The following CTNNAL1 variants were observed in gnomAD, a reference collection of about 807,000 sequenced individuals.
CTNNAL1 encodes catenin alpha like 1.
In CTNNAL1, 69 loss-of-function variants were observed where a neutral mutation model predicts 93.6. That is an observed-to-expected ratio of 0.74 (90% CI 0.61 to 0.90). The LOEUF (loss-of-function observed/expected upper bound fraction) is 0.90. Ranked by LOEUF, CTNNAL1 falls within the 40% of genes least tolerant of loss-of-function variation. The pLI, the probability that CTNNAL1 is intolerant of heterozygous loss-of-function variation, is 0.00. For synonymous variants in CTNNAL1, 286 were observed against 305.4 expected (o/e 0.94, Z 0.66); for missense variants, 836 against 862.0 (o/e 0.97, Z 0.38).
chr9:108,947,818 A>C (rs1830449264), intron 15 of CTNNAL1, among the ~76,000 whole-genome samples: 1 of 152,228 alleles, frequency 6.6e-6, no homozygotes, highest in African/African-American at 2.4e-5. Context: ...TTTAATCAAT[A>C]TATTTTATCC....
At chr9:108,977,626 A>T (rs1831302111) in intron 7 of CTNNAL1, among the ~76,000 whole-genome samples, 1 of 152,116 alleles carries the variant, frequency 6.6e-6, no homozygotes, top group African/African-American at 2.4e-5. Context: ...TATCTTCCCC[A>T]CTAGGCCACG....
intron 4 of CTNNAL1, among the ~76,000 whole-genome samples, chr9:108,987,826 G>A (rs1170109957): frequency 6.6e-6 from 1 of 152,134 alleles, no homozygotes; most frequent in Non-Finnish European, 1.5e-5. Context: ...TTGGCTCTCT[G>A]TTTGTCTGTT....
chr9:108,972,531 G>C, intron 9 of CTNNAL1, 144 bp downstream of exon 9: 1 of 713,626 alleles, frequency 1.4e-6, no homozygotes, highest in Non-Finnish European at 2.3e-6. Flanking sequence ...GAACAGAACA[G>C]ATACATGGTA....
At position 108,955,820 on chromosome 9, in the gene CTNNAL1, C is replaced by T. The variant is rs751291951; in HGVS notation, c.1599G>A (p.Lys533=). 1 of 1,600,094 alleles carries T rather than the reference C, an allele frequency of 6.2e-7. No individual in the cohort carries two copies. Among genetic ancestry groups the T allele is most frequent in the Admixed American group, 1.7e-5 (1 of 58,562 alleles). Reference sequence around the variant, plus strand: ...GCTTTGGAAGTGAAAGGTAGCCATACTTCTCTCCTACAAATAACACATATA... The same window carrying T: ...GCTTTGGAAGTGAAAGGTAGCCATATTTCTCTCCTACAAATAACACATATA... ...NDVFEGRRGE[K]YGYLSLPKPM... is the part of the protein sequence containing the mutation. The change falls in exon 12 of 19, where the codon AAG becomes AAA. Residue 533 remains lysine, a synonymous_variant. Coordinates refer to ENST00000325551, the MANE Select transcript of CTNNAL1 (RefSeq NM_003798.4).
At chr9:108,985,904 G>C (rs1343848434) in intron 4 of CTNNAL1, among the ~76,000 whole-genome samples, 1 of 152,140 alleles carries the variant, frequency 6.6e-6, no homozygotes, top group East Asian at 1.9e-4. Context: ...CTGGTCCACA[G>C]GACAAAACAG....
chr9:108,957,636 G>T (rs556964241), intron 11 of CTNNAL1, among the ~76,000 whole-genome samples: 1 of 152,238 alleles, frequency 6.6e-6, no homozygotes, highest in South Asian at 2.1e-4. Context: ...AAAAGGAAGA[G>T]GCTATTTTCA....
At chr9:108,963,320 A>G (rs1830868326) in intron 11 of CTNNAL1, among the ~76,000 whole-genome samples, 1 of 152,226 alleles carries the variant, frequency 6.6e-6, no homozygotes, top group African/African-American at 2.4e-5. Flanking sequence ...AAACACAAAG[A>G]GGAAGGGGGC....
At chr9:108,945,643 G>T (rs1397652892) in intron 15 of CTNNAL1, among the ~76,000 whole-genome samples, 5,998 of 120,470 alleles carry the variant, frequency 0.05, 407 homozygotes, top group African/African-American at 0.17. Flanking sequence ...TTTTTTTTTT[G>T]TTTTGTTTTT....
At chr9:108,997,817 GCTATGGT>G (rs1433603083) in intron 2 of CTNNAL1, among the ~76,000 whole-genome samples, 1 of 152,122 alleles carries the variant, frequency 6.6e-6, no homozygotes, top group African/African-American at 2.4e-5. Context: ...CACCTCAAAT[GCTATGGT>G]CTAGTCTAAG....
intron 12 of CTNNAL1, among the ~76,000 whole-genome samples, chr9:108,952,759 C>T (rs563730264): frequency 6.6e-6 from 1 of 152,290 alleles, no homozygotes; most frequent in East Asian, 1.9e-4. Context: ...CAGCTGCTCT[C>T]CTCTTTTCAC....
At chr9:108,952,567 C>T (rs1587946198) in intron 12 of CTNNAL1, 73 bp from the exon 13 acceptor site, 60 of 1,548,526 alleles carry the variant, frequency 3.9e-5, no homozygotes, top group Non-Finnish European at 5.2e-5. Flanking sequence ...AATAGTAATA[C>T]AAAGCATAAC....
intron 11 of CTNNAL1, among the ~76,000 whole-genome samples, chr9:108,963,111 T>C (rs1456262318): frequency 6.6e-6 from 1 of 152,206 alleles, no homozygotes; most frequent in African/African-American, 2.4e-5. Context: ...GCCAAGCTTA[T>C]CAACCTCTAA....
rs1479410333 is a variant in CTNNAL1 at position 108,942,741 on chromosome 9, G to A, written c.*28C>T. 9 of 1,364,600 alleles carry A rather than the reference G, an allele frequency of 6.6e-6. No homozygotes were observed. Among genetic ancestry groups the A allele is most frequent in the African/African-American group, 1.4e-5 (1 of 69,418 alleles). The allele number at this position is 1,364,600 out of a possible 1,614,324, so 84.5% of individuals were successfully genotyped here. ...AAAAATGTCAGCTTCATCACATGATGTTCCAGAGATCTGACCCCAAAAGCT... is the reference window on the plus strand; with the variant it reads ...AAAAATGTCAGCTTCATCACATGATATTCCAGAGATCTGACCCCAAAAGCT... On this transcript the variant is annotated 3_prime_UTR_variant, in exon 19 of 19. Transcript: ENST00000325551.
chr9:108,967,667 G>A (rs1303370478), intron 10 of CTNNAL1, among the ~76,000 whole-genome samples: 2 of 152,222 alleles, frequency 1.3e-5, no homozygotes, highest in African/African-American at 4.8e-5. Flanking sequence ...CACTGAAAAG[G>A]TGAGGGAGCT....
At position 108,947,627 on chromosome 9, in the gene CTNNAL1, G is replaced by C. The variant is rs540992591; in HGVS notation, c.1884+559C>G. 6.8e-4 allele frequency among the ~76,000 whole-genome samples: 104 copies of C among 152,326 alleles called. 3 individuals carry two copies. In the South Asian group the frequency reaches 0.021, roughly 31 times the overall value. On this transcript the variant is annotated intron_variant, in intron 15 of 18. Coordinates refer to ENST00000325551, the MANE Select transcript of CTNNAL1 (RefSeq NM_003798.4). The stretch of plus-strand genomic sequence containing the variant: ...TCTAACTAGAGGGAGTAGAATTACA[G>C]ATGGGCCTATGTGGAGTCCTGTTAA...
intron 8 of CTNNAL1, among the ~76,000 whole-genome samples, chr9:108,976,679 AACC>A (rs1050363356): frequency 6.6e-5 from 10 of 151,918 alleles, no homozygotes; most frequent in African/African-American, 2.2e-4. Context: ...TACAGGTGCT[AACC>A]ACCACACCTG....
rs532267261 is a variant in CTNNAL1, at chr9:108,976,873, C to T, written c.1188+89G>A. On this transcript the variant is annotated intron_variant, in intron 8 of 18. Transcript: ENST00000325551. ...TAAAACCATTTTCTAGGCACAGAGA[C>T]ATACTAATAATACTAATGTATTTCA... 11 of 536,254 alleles carry T rather than the reference C, an allele frequency of 2.1e-5. No individual in the cohort carries two copies. The East Asian group carries it at 3.9e-4, about 19-fold the overall frequency. The allele number at this position is 536,254 out of a possible 1,614,324, so 33.2% of individuals were successfully genotyped here. A position where few individuals can be genotyped will look rare whatever the true frequency, so the allele number is the denominator to read the frequency against.
At chr9:108,955,121 C>A (rs1484940699) in intron 12 of CTNNAL1, among the ~76,000 whole-genome samples, 1 of 152,138 alleles carries the variant, frequency 6.6e-6, no homozygotes, top group Non-Finnish European at 1.5e-5. Flanking sequence ...TGCCACCACG[C>A]CTGGCTAATT....
chr9:108,983,669 C>G (rs531300578), intron 5 of CTNNAL1, among the ~76,000 whole-genome samples: 3 of 152,148 alleles, frequency 2.0e-5, no homozygotes, highest in Non-Finnish European at 4.4e-5. Flanking sequence ...GATATATGAT[C>G]ATGGATGCAT....
Sources: allele counts gnomAD v4.1 joint callset (sites outside exome capture counted in the v4.1 genomes callset), GRCh38; gene constraint gnomAD v4.1.1; transcripts MANE v1.5; gene names NCBI Gene and HGNC (gene_info 2026-07-23, HGNC 2026-07-21).